The following DLG2 variants were observed in gnomAD, a reference collection of about 807,000 sequenced individuals.
DLG2 encodes the protein disks large homolog 2.
A neutral mutation model predicts 132.5 loss-of-function variants in DLG2; 45 were observed. The observed-to-expected ratio is 0.34, with a 90% confidence interval of 0.27 to 0.44. DLG2 has a LOEUF of 0.44. Among genes scored for constraint, DLG2 ranks in the 20% least tolerant of loss-of-function variants. The pLI, the probability that DLG2 is intolerant of heterozygous loss-of-function variation, is 1.00. For missense variants in DLG2, 1,045 were observed against 1,196.9 expected (o/e 0.87, Z 1.87); for synonymous variants, 424 against 419.6 (o/e 1.01, Z -0.13).
chr11:84,333,560 AC>A (rs1172511345), intron 7 of DLG2, among the ~76,000 whole-genome samples: 1 of 152,230 alleles, frequency 6.6e-6, no homozygotes, highest in East Asian at 1.9e-4. Flanking sequence ...CATTCAAATT[AC>A]AGAAAATTTA....
At chr11:84,429,183 A>C (rs141163838) in intron 7 of DLG2, among the ~76,000 whole-genome samples, 1 of 152,296 alleles carries the variant, frequency 6.6e-6, no homozygotes, top group African/African-American at 2.4e-5. Context: ...GTGTATAGTC[A>C]TTTGGCATAA....
intron 4 of DLG2, among the ~76,000 whole-genome samples, chr11:85,239,243 T>G (rs909116579): frequency 6.6e-6 from 1 of 152,106 alleles, no homozygotes; most frequent in Non-Finnish European, 1.5e-5. Context: ...GTACAGCATG[T>G]ACTACAGCTA....
intron 11 of DLG2, among the ~76,000 whole-genome samples, chr11:84,012,946 T>C (rs1476458403): frequency 2.0e-5 from 3 of 152,040 alleles, no homozygotes; most frequent in East Asian, 3.9e-4. Context: ...GCTATGATGT[T>C]ATTACTTCTA....
At chr11:85,209,151 T>C (rs1464280170) in intron 4 of DLG2, among the ~76,000 whole-genome samples, 1 of 152,132 alleles carries the variant, frequency 6.6e-6, no homozygotes, top group Non-Finnish European at 1.5e-5. Context: ...TCCCTGTTTC[T>C]CATCAATAAA....
intron 17 of DLG2, among the ~76,000 whole-genome samples, chr11:83,828,200 T>C (rs2053443221): frequency 6.6e-6 from 1 of 152,122 alleles, no homozygotes; most frequent in African/African-American, 2.4e-5. Flanking sequence ...CTTTTCTGTA[T>C]AGGCAAGAAT....
intron 7 of DLG2, among the ~76,000 whole-genome samples, chr11:84,281,387 C>G (rs192919049): frequency 1.3e-5 from 2 of 151,996 alleles, no homozygotes; most frequent in East Asian, 3.9e-4. Context: ...ACAAATCATA[C>G]ATCTCATAAA....
At chr11:85,299,234 T>C (rs1198459718) in intron 3 of DLG2, among the ~76,000 whole-genome samples, 6 of 152,188 alleles carry the variant, frequency 3.9e-5, no homozygotes, top group African/African-American at 1.2e-4. Flanking sequence ...GAGGTTGAGA[T>C]GTTTGCCCAG....
At chr11:84,016,286 TTAGA>T (rs1295990015) in intron 11 of DLG2, among the ~76,000 whole-genome samples, 2 of 152,282 alleles carry the variant, frequency 1.3e-5, no homozygotes, top group Non-Finnish European at 2.9e-5. Flanking sequence ...TAGAGCTTTG[TTAGA>T]TAGATAGATT....
At chr11:85,108,025 C>CAT (rs1238380795) in intron 6 of DLG2, among the ~76,000 whole-genome samples, 1 of 148,014 alleles carries the variant, frequency 6.8e-6, no homozygotes, top group African/African-American at 2.5e-5. Context: ...CACACACACA[C>CAT]ACATCCAGGA....
intron 3 of DLG2, among the ~76,000 whole-genome samples, chr11:85,342,258 A>G (rs2082552007): frequency 6.6e-6 from 1 of 152,186 alleles, no homozygotes; most frequent in Admixed American, 6.5e-5. Flanking sequence ...ACAGTGGAAC[A>G]CCATGTTTTC....
intron 7 of DLG2, among the ~76,000 whole-genome samples, chr11:84,493,654 G>A (rs181814304): frequency 1.7e-4 from 26 of 152,138 alleles, no homozygotes; most frequent in African/African-American, 6.3e-4. Flanking sequence ...CACTCACATA[G>A]CTCTGAGATG....
chr11:85,542,465 A>AT (rs1348713088), intron 3 of DLG2, among the ~76,000 whole-genome samples: 2 of 152,208 alleles, frequency 1.3e-5, no homozygotes, highest in Admixed American at 6.5e-5. Context: ...GACAAAATAC[A>AT]TTTTGTTTAT....
chr11:84,667,490 T>G (rs28757818), intron 6 of DLG2, among the ~76,000 whole-genome samples: 1 of 39,790 alleles, frequency 2.5e-5, no homozygotes, highest in East Asian at 5.8e-4. Flanking sequence ...TTTTGTTTTT[T>G]GTTTTTTGTT....
chr11:84,694,130 G>C (rs969082365), intron 6 of DLG2, among the ~76,000 whole-genome samples: 1 of 151,598 alleles, frequency 6.6e-6, no homozygotes, highest in Non-Finnish European at 1.5e-5. Context: ...AAGTATTGGA[G>C]AAAGAAAGGA....
chr11:84,929,008 A>G lies in DLG2; in HGVS notation c.357+182653T>C, dbSNP rs1216795820. Among the ~76,000 whole-genome samples the G allele has an allele frequency of 9.9e-4, 130 of 130,882 alleles. 3 individuals are homozygous for G. Among genetic ancestry groups the G allele is most frequent in the Admixed American group, 3.1e-3 (40 of 13,020 alleles). 85.9% of individuals were successfully genotyped at this position (130,882 alleles called of 152,430 possible). A position where few individuals can be genotyped will look rare whatever the true frequency, so the allele number is the denominator to read the frequency against. On this transcript the variant is annotated intron_variant, in intron 6 of 27. Transcript: ENST00000376104. The stretch of plus-strand genomic sequence containing the variant: ...TATATATATATATATATATATATAT[A>G]TATATATATATATATATTACTGTGA...
chr11:84,492,896 GA>G (rs1219557789), intron 7 of DLG2, among the ~76,000 whole-genome samples: 3 of 151,990 alleles, frequency 2.0e-5, no homozygotes, highest in Non-Finnish European at 4.4e-5. Flanking sequence ...ATTCCCAGGG[GA>G]TACCAACTTT....
intron 6 of DLG2, among the ~76,000 whole-genome samples, chr11:84,933,158 G>T (rs779643816): frequency 2.0e-5 from 3 of 151,960 alleles, no homozygotes; most frequent in Non-Finnish European, 4.4e-5. Context: ...AAATGTTTTT[G>T]TCAGCTTTGT....
In DLG2 at chr11:84,154,757, T is replaced by C. The variant is rs146096766; in HGVS notation, c.624+8704A>G. Among the ~76,000 whole-genome samples the C allele has an allele frequency of 7.2e-5, 11 of 152,300 alleles. No homozygotes were observed. The East Asian group carries it at 1.9e-3, about 27-fold the overall frequency. On this transcript the variant is annotated intron_variant, in intron 9 of 27. Coordinates refer to ENST00000376104, the MANE Select transcript of DLG2 (RefSeq NM_001142699.3). ...ACTGAGAACATGCAGTGTTTGGTTT[T>C]TTGTCCCTGCGATAGTTTACTGAGA... is the stretch of plus-strand genomic sequence containing the variant.
chr11:84,417,155 G>T (rs2098932566), intron 7 of DLG2, among the ~76,000 whole-genome samples: 1 of 152,186 alleles, frequency 6.6e-6, no homozygotes, highest in African/African-American at 2.4e-5. Context: ...ATAAATGGAT[G>T]GATGGAGATA....
Sources: allele counts gnomAD v4.1 joint callset (sites outside exome capture counted in the v4.1 genomes callset), GRCh38; gene constraint gnomAD v4.1.1; transcripts MANE v1.5; gene names NCBI Gene and HGNC (gene_info 2026-07-23, HGNC 2026-07-21).